The following PHF10 variants were observed in gnomAD, a reference collection of about 807,000 sequenced individuals.
PHF10 encodes BRG1-associated factor 45a.
In PHF10, 51 loss-of-function variants were observed where a neutral mutation model predicts 68.5. That is an observed-to-expected ratio of 0.74 (90% CI 0.59 to 0.94). The LOEUF (loss-of-function observed/expected upper bound fraction) is 0.94. Ranked by LOEUF, PHF10 falls within the 40% of genes least tolerant of loss-of-function variation. The probability of loss-of-function intolerance (pLI) is 0.00; values close to 1 mark genes in which losing one functional copy is unlikely to be tolerated. For synonymous variants in PHF10, 204 were observed against 203.5 expected (o/e 1.00, Z -0.02); for missense variants, 460 against 602.6 (o/e 0.76, Z 2.48).
intron 9 of PHF10, among the ~76,000 whole-genome samples, chr6:169,706,375 T>C (rs985749894): frequency 2.6e-5 from 4 of 152,038 alleles, no homozygotes; most frequent in African/African-American, 9.7e-5. Context: ...CTATAAAATG[T>C]AAAATTATAA....
At chr6:169,719,065 A>C in intron 2 of PHF10, 147 bp from the exon 3 acceptor site, 1 of 566,012 alleles carries the variant, frequency 1.8e-6, no homozygotes, top group South Asian at 2.3e-5. Flanking sequence ...GAAAATTACA[A>C]AACAGGTACA....
At chr6:169,706,532 A>G (rs895740187) in intron 9 of PHF10, among the ~76,000 whole-genome samples, 3 of 152,110 alleles carry the variant, frequency 2.0e-5, no homozygotes, top group Non-Finnish European at 4.4e-5. Context: ...TTGGTTACAC[A>G]TGGAAATGAC....
Position 169,723,983 on chromosome 6 carries a change from G to T in PHF10, c.-52C>A. The stretch of plus-strand genomic sequence containing the variant: ...GCCGCCGTCGCCTCCGCCTTGTCCC[G>T]GCCGCCGCCGCCGCTGCCGCCGCCG... On this transcript the variant is annotated 5_prime_UTR_variant, in exon 1 of 12. Coordinates refer to ENST00000339209, the MANE Select transcript of PHF10 (RefSeq NM_018288.4). 1 of 507,284 alleles carries T rather than the reference G, an allele frequency of 2.0e-6. No homozygotes were observed. The highest frequency in any genetic ancestry group is 8.0e-5 in the South Asian group (1 of 12,474). 31.4% of individuals were successfully genotyped at this position (507,284 alleles called of 1,614,324 possible).
At chr6:169,708,138 G>C (rs1211025349) in intron 9 of PHF10, 1 of 152,090 alleles carries the variant, frequency 6.6e-6, no homozygotes, top group Non-Finnish European at 1.5e-5. Flanking sequence ...CAAGAAAACT[G>C]AAATACTCAT....
intron 7 of PHF10, among the ~76,000 whole-genome samples, chr6:169,714,211 C>T (rs183106940): frequency 3.3e-5 from 5 of 152,274 alleles, no homozygotes; most frequent in Admixed American, 3.3e-4. Context: ...CATATTGGAG[C>T]AGCAGCCAGG....
chr6:169,705,376 G>A, intron 10 of PHF10, 55 bp from the exon 11 acceptor site: 1 of 1,253,716 alleles, frequency 8.0e-7, no homozygotes, highest in East Asian at 2.3e-5. Flanking sequence ...AACTTAATAT[G>A]GCACATAAAA....
chr6:169,704,362 A>G (rs1788697242), intron 11 of PHF10: 1 of 391,670 alleles, frequency 2.6e-6, no homozygotes, highest in East Asian at 4.2e-5. Context: ...ATCTTTCCTG[A>G]AATTCAAACA....
chr6:169,710,246 G>A lies in PHF10; in HGVS notation c.1103C>T (p.Pro368Leu). 6.2e-7 allele frequency: 1 copy of A among 1,608,970 alleles called. No individual in the cohort carries two copies. The highest frequency in any genetic ancestry group is 1.1e-5 in the South Asian group (1 of 89,980). The change falls in exon 9 of 12, where the codon CCT (proline) becomes CTT (leucine). Residue 368 changes from proline to leucine, a missense_variant. Pro to Leu is a moderately conservative substitution (Grantham distance 98). This residue lies in a region of PHF10 where 256 missense variants were observed against 410.5 expected (regional missense o/e 0.62). Transcript: ENST00000339209. ...PKRSVLSKSV[P>L]GYKPKVIPNA... ...GCTTTTTTCTTCTACCTTGTACCCAGGAACTGACTTGGACAGTACAGAACG... is the reference window on the plus strand; with the variant it reads ...GCTTTTTTCTTCTACCTTGTACCCAAGAACTGACTTGGACAGTACAGAACG...
At chr6:169,714,287 T>A (rs1788993754) in intron 7 of PHF10, among the ~76,000 whole-genome samples, 1 of 152,228 alleles carries the variant, frequency 6.6e-6, no homozygotes, top group Non-Finnish European at 1.5e-5. Context: ...CCTTCTCTCA[T>A]CTTCTCTGCA....
In PHF10 at chr6:169,712,554, G is replaced by A. The variant is rs1788949362; in HGVS notation, c.804-15C>T. ...CTGGTGAGTACCTGAAGTTCAGAGA[G>A]TTTATTTTTGGTTTCCCTTTATTAT... On this transcript the variant is annotated splice_polypyrimidine_tract_variant and intron_variant, in intron 7 of 11. Transcript: ENST00000339209. The A allele has an allele frequency of 1.3e-6, 2 of 1,594,678 alleles. No homozygotes were observed. The highest frequency in any genetic ancestry group is 8.5e-7 in the Non-Finnish European group (1 of 1,173,816).
At chr6:169,714,931 C>A (rs1789011339) in intron 6 of PHF10, 89 bp from the exon 7 acceptor site, 1 of 740,578 alleles carries the variant, frequency 1.4e-6, no homozygotes, top group Non-Finnish European at 2.4e-6. Context: ...CCACTGCACG[C>A]CCACTTCCCC....
chr6:169,719,152 C>G (rs551701388), intron 2 of PHF10: 3 of 321,808 alleles, frequency 9.3e-6, no homozygotes, highest in South Asian at 8.8e-5. Context: ...CTGGGAAGAA[C>G]GTAGAATCAC....
At chr6:169,720,147 T>TA (rs1219414781) in intron 2 of PHF10, among the ~76,000 whole-genome samples, 8 of 152,076 alleles carry the variant, frequency 5.3e-5, no homozygotes, top group African/African-American at 1.9e-4. Flanking sequence ...ACTATTATTT[T>TA]AAAAAATGAA....
rs963308330 is a variant in PHF10 at position 169,703,982 on chromosome 6, G to A, written c.*21C>T. The A allele has an allele frequency of 2.6e-5, 41 of 1,557,184 alleles. No individual in the cohort carries two copies. The highest frequency in any genetic ancestry group is 3.2e-5 in the Non-Finnish European group (37 of 1,141,430). ...AATATTCCACTTAAATGCATATACA[G>A]TATTAGAGTCAAAAACTATTTTATC... On this transcript the variant is annotated 3_prime_UTR_variant, in exon 12 of 12. Transcript: ENST00000339209.
chr6:169,706,731 C>CATACAT (rs1562984610), intron 9 of PHF10, among the ~76,000 whole-genome samples: 1 of 26,860 alleles, frequency 3.7e-5, no homozygotes, highest in Non-Finnish European at 6.0e-5. Context: ...CATACATACA[C>CATACAT]ACACACACAC....
chr6:169,704,261 T>C (rs1788691631), intron 11 of PHF10, 173 bp from the exon 12 acceptor site: 2 of 544,584 alleles, frequency 3.7e-6, no homozygotes, highest in Non-Finnish European at 6.5e-6. Flanking sequence ...ACTTAATCAA[T>C]GTAATCAATG....
At chr6:169,707,117 GTC>G (rs1204351841) in intron 9 of PHF10, 2 of 152,082 alleles carry the variant, frequency 1.3e-5, no homozygotes. Flanking sequence ...AATCACAAAT[GTC>G]TCTACAAAAT....
At chr6:169,704,342 A>G (rs1183353544) in intron 11 of PHF10, 4 of 418,782 alleles carry the variant, frequency 9.6e-6, no homozygotes, top group Non-Finnish European at 1.3e-5. Flanking sequence ...CGGACCTTTA[A>G]GAAAGTACAA....
intron 7 of PHF10, among the ~76,000 whole-genome samples, chr6:169,713,786 C>T (rs996016382): frequency 1.3e-5 from 2 of 151,932 alleles, no homozygotes; most frequent in Non-Finnish European, 2.9e-5. Flanking sequence ...GAAAAACATA[C>T]GGTTCCAGAG....
Sources: gnomAD v4.1 joint callset for allele counts (sites outside exome capture counted in the v4.1 genomes callset) on GRCh38, gnomAD v4.1.1 for gene constraint, gnomAD v4.1.1 regional missense constraint, MANE v1.5 for transcripts, NCBI Gene and HGNC (gene_info 2026-07-23, HGNC 2026-07-21) for gene names.